The following SH3GL2 variants were observed in gnomAD, a reference collection of about 807,000 sequenced individuals.
SH3GL2 encodes SH3 domain containing GRB2 like 2, endophilin A1.
Under a neutral mutation model 46.0 loss-of-function variants are expected in SH3GL2, and 24 were observed. That is an observed-to-expected ratio of 0.52 (90% CI 0.38 to 0.73). The LOEUF (loss-of-function observed/expected upper bound fraction) is 0.73. SH3GL2 is among the 30% of genes least tolerant of loss of function. The probability of loss-of-function intolerance (pLI) is 0.00; values close to 1 mark genes in which losing one functional copy is unlikely to be tolerated. For synonymous variants in SH3GL2, 196 were observed against 147.1 expected, an observed-to-expected ratio of 1.33 and a Z score of -2.40; for missense variants, 413 against 424.2, an observed-to-expected ratio of 0.97 and a Z score of 0.23.
At chr9:17,605,019 C>G (rs1462387888) in intron 1 of SH3GL2, among the ~76,000 whole-genome samples, 1 of 148,718 alleles carries the variant, frequency 6.7e-6, no homozygotes, top group Non-Finnish European at 1.5e-5. Context: ...GTGTCCCAGA[C>G]TGGAGTGCAG....
chr9:17,674,609 C>T (rs1366306393), intron 1 of SH3GL2, among the ~76,000 whole-genome samples: 1 of 152,040 alleles, frequency 6.6e-6, no homozygotes, highest in Non-Finnish European at 1.5e-5. Context: ...ATCATGGGCT[C>T]ATGATTGAGT....
At chr9:17,794,766 G>A (rs553027900) in intron 8 of SH3GL2, among the ~76,000 whole-genome samples, 1 of 152,226 alleles carries the variant, frequency 6.6e-6, no homozygotes, top group South Asian at 2.1e-4. Context: ...TCAAGGTGGA[G>A]TACATTATTT....
chr9:17,590,859 CCAAGCCT>C (rs1482270715), intron 1 of SH3GL2: 1 of 152,202 alleles, frequency 6.6e-6, no homozygotes, highest in Non-Finnish European at 1.5e-5. Context: ...CCTCCCAGGC[CCAAGCCT>C]CCCTCCTCAG....
At chr9:17,654,919 T>G (rs1820038217) in intron 1 of SH3GL2, among the ~76,000 whole-genome samples, 1 of 152,180 alleles carries the variant, frequency 6.6e-6, no homozygotes, top group South Asian at 2.1e-4. Context: ...AAAGTCATGC[T>G]CCTCCTGGAG....
At chr9:17,597,943 T>C (rs1384004617) in intron 1 of SH3GL2, among the ~76,000 whole-genome samples, 1 of 152,140 alleles carries the variant, frequency 6.6e-6, no homozygotes, top group East Asian at 1.9e-4. Flanking sequence ...GTTTTAGGTA[T>C]AGAGAGATGG....
intron 1 of SH3GL2, among the ~76,000 whole-genome samples, chr9:17,741,867 G>T (rs533815428): frequency 6.6e-6 from 1 of 152,144 alleles, no homozygotes; most frequent in South Asian, 2.1e-4. Flanking sequence ...TACAGAGGAA[G>T]TCTGATAACT....
At chr9:17,728,571 C>T (rs1352006812) in intron 1 of SH3GL2, among the ~76,000 whole-genome samples, 2 of 152,102 alleles carry the variant, frequency 1.3e-5, no homozygotes, top group Admixed American at 6.6e-5. Flanking sequence ...TGGTCTGCTG[C>T]ACCCATCAGC....
intron 1 of SH3GL2, among the ~76,000 whole-genome samples, chr9:17,682,025 C>T (rs370686154): frequency 9.2e-5 from 14 of 152,134 alleles, no homozygotes; most frequent in African/African-American, 1.9e-4. Flanking sequence ...TACCATCTCA[C>T]GCCAGTCAGA....
At chr9:17,749,393 G>A (rs1822782855) in intron 2 of SH3GL2, among the ~76,000 whole-genome samples, 1 of 152,066 alleles carries the variant, frequency 6.6e-6, no homozygotes, top group South Asian at 2.1e-4. Flanking sequence ...GGGTTAATCC[G>A]CCTCTGTCTT....
At chr9:17,784,996 A>C (rs1206776926) in intron 3 of SH3GL2, among the ~76,000 whole-genome samples, 1 of 152,218 alleles carries the variant, frequency 6.6e-6, no homozygotes. Context: ...TATAGGCATA[A>C]GCCACCACAC....
intron 1 of SH3GL2, among the ~76,000 whole-genome samples, chr9:17,713,187 G>T (rs1821674075): frequency 6.6e-6 from 1 of 151,186 alleles, no homozygotes; most frequent in Non-Finnish European, 1.5e-5. Context: ...TGAGTGTTAA[G>T]CTAACTCTAT....
At chr9:17,619,573 G>T (rs1295876327) in intron 1 of SH3GL2, among the ~76,000 whole-genome samples, 3 of 152,096 alleles carry the variant, frequency 2.0e-5, no homozygotes, top group African/African-American at 7.2e-5. Flanking sequence ...AGCTACTCGG[G>T]AGGCTGAGGC....
At chr9:17,728,468 A>C (rs975397791) in intron 1 of SH3GL2, among the ~76,000 whole-genome samples, 5 of 151,762 alleles carry the variant, frequency 3.3e-5, no homozygotes, top group African/African-American at 1.2e-4. Context: ...AAAATTATTT[A>C]TGTATGTATG....
At chr9:17,703,916 A>G (rs748607498) in intron 1 of SH3GL2, among the ~76,000 whole-genome samples, 2 of 152,048 alleles carry the variant, frequency 1.3e-5, no homozygotes, top group African/African-American at 4.8e-5. Flanking sequence ...CACCACTCCT[A>G]TTCTACATAG....
chr9:17,685,860 A>G (rs182850003), intron 1 of SH3GL2, among the ~76,000 whole-genome samples: 42 of 152,164 alleles, frequency 2.8e-4, no homozygotes, highest in African/African-American at 8.9e-4. Flanking sequence ...GCCTTGTAGT[A>G]TAGTTCAGGA....
intron 1 of SH3GL2, among the ~76,000 whole-genome samples, chr9:17,675,976 G>C (rs1035151992): frequency 3.3e-5 from 5 of 151,914 alleles, no homozygotes; most frequent in African/African-American, 4.8e-5. Context: ...AAATGCTAAT[G>C]CCTTTCTTGC....
chr9:17,735,572 G>A (rs1822309588), intron 1 of SH3GL2: 1 of 152,370 alleles, frequency 6.6e-6, no homozygotes, highest in Non-Finnish European at 1.5e-5. Context: ...TGTGAGCCCT[G>A]CCTATGCAGA....
At chr9:17,790,309 C>T (rs777369479) in intron 6 of SH3GL2, 94 of 294,612 alleles carry the variant, frequency 3.2e-4, no homozygotes, top group Non-Finnish European at 4.3e-4. Context: ...CTAACAGACA[C>T]ACCCAGAAAT....
chr9:17,724,944 A>G lies in SH3GL2; in HGVS notation c.46-22122A>G, dbSNP rs573326124. Among the ~76,000 whole-genome samples the G allele has an allele frequency of 3.3e-5, 5 of 152,150 alleles. No individual in the cohort carries two copies. The South Asian group carries it at 1.0e-3, about 32-fold the overall frequency. On this transcript the variant is annotated intron_variant, in intron 1 of 8. Coordinates refer to ENST00000380607, the MANE Select transcript of SH3GL2 (RefSeq NM_003026.5). Reference sequence around the variant, plus strand: ...GATGTATGCGTGGCTTTCACGGTTCAGGGAATTTATACTTTTGTCCTGAGT... The same window carrying G: ...GATGTATGCGTGGCTTTCACGGTTCGGGGAATTTATACTTTTGTCCTGAGT...
Sources: allele counts gnomAD v4.1 joint callset (sites outside exome capture counted in the v4.1 genomes callset), GRCh38; gene constraint gnomAD v4.1.1; transcripts MANE v1.5; gene names NCBI Gene and HGNC (gene_info 2026-07-23, HGNC 2026-07-21).